Variants in CTNND2 observed in about 807,000 individuals in gnomAD.
The protein encoded by CTNND2 is catenin delta-2.
CTNND2 carries 22 observed loss-of-function variants against 144.4 expected under a neutral mutation model. That is an observed-to-expected ratio of 0.15 (90% CI 0.11 to 0.22). CTNND2 has a LOEUF of 0.22. Among genes scored for constraint, CTNND2 ranks in the 10% least tolerant of loss-of-function variants. The pLI, the probability that CTNND2 is intolerant of heterozygous loss-of-function variation, is 1.00. For synonymous variants in CTNND2, 751 were observed against 695.6 expected (o/e 1.08, Z -1.25); for missense variants, 1,353 against 1,618.8 (o/e 0.84, Z 2.82).
chr5:11,640,439 G>C (rs1210415182), intron 2 of CTNND2, among the ~76,000 whole-genome samples: 3 of 152,098 alleles, frequency 2.0e-5, no homozygotes, highest in African/African-American at 7.2e-5. Context: ...CCACACACTG[G>C]GTACAAATCC....
intron 2 of CTNND2, among the ~76,000 whole-genome samples, chr5:11,625,605 A>G (rs955256972): frequency 6.6e-6 from 1 of 152,158 alleles, no homozygotes; most frequent in Non-Finnish European, 1.5e-5. Flanking sequence ...AAATGGATAT[A>G]CAGTATTGCA....
At chr5:11,154,972 C>G (rs1758082393) in intron 12 of CTNND2, among the ~76,000 whole-genome samples, 1 of 152,158 alleles carries the variant, frequency 6.6e-6, no homozygotes, top group Non-Finnish European at 1.5e-5. Context: ...CCCACTCTTA[C>G]CTAGTATGAC....
intron 3 of CTNND2, among the ~76,000 whole-genome samples, chr5:11,538,768 G>A (rs1359814993): frequency 6.6e-6 from 1 of 152,074 alleles, no homozygotes; most frequent in Non-Finnish European, 1.5e-5. Context: ...AGACTGGATG[G>A]AACACTCAGG....
chr5:11,237,577 C>G lies in CTNND2; in HGVS notation c.1629-754G>C, dbSNP rs61750728. 4.2e-3 allele frequency among the ~76,000 whole-genome samples: 630 copies of G among 151,724 alleles called. 5 individuals carry two copies. The highest frequency in any genetic ancestry group is 0.014 in the African/African-American group (584 of 41,350). On this transcript the variant is annotated intron_variant, in intron 9 of 21. Transcript: ENST00000304623. ...GTGCAGTGGCATAATTATAGCTCAC[C>G]GCAGCCTCAAACTCCTGGGCTCAAG...
intron 3 of CTNND2, among the ~76,000 whole-genome samples, chr5:11,556,844 T>A (rs1309571203): frequency 1.3e-5 from 2 of 151,854 alleles, no homozygotes; most frequent in Non-Finnish European, 2.9e-5. Flanking sequence ...TTACGTTTTA[T>A]CCTTTTAGGT....
At chr5:11,832,021 TG>T (rs1269404646) in intron 1 of CTNND2, among the ~76,000 whole-genome samples, 3 of 152,262 alleles carry the variant, frequency 2.0e-5, no homozygotes, top group African/African-American at 7.2e-5. Context: ...CAGTGGCTTA[TG>T]CCTGTAATCC....
At position 11,504,727 on chromosome 5, in the gene CTNND2, C is replaced by T. The variant is rs569911327; in HGVS notation, c.287+60217G>A. Reference sequence around the variant, plus strand: ...TTTTTCAGATACATTTCATGGGTTTCCTTGAGAGGCTCCACAGGGACCATC... The same window carrying T: ...TTTTTCAGATACATTTCATGGGTTTTCTTGAGAGGCTCCACAGGGACCATC... On this transcript the variant is annotated intron_variant, in intron 3 of 21. Transcript: ENST00000304623. Among the ~76,000 whole-genome samples the T allele has an allele frequency of 1.8e-4, 28 of 152,276 alleles. No individual in the cohort carries two copies. The South Asian group carries it at 1.9e-3, about 10-fold the overall frequency.
chr5:11,316,199 G>T (rs1230628839), intron 9 of CTNND2, among the ~76,000 whole-genome samples: 1 of 151,948 alleles, frequency 6.6e-6, no homozygotes, highest in Non-Finnish European at 1.5e-5. Flanking sequence ...ATTACTAGCC[G>T]CCAGGTATAT....
At chr5:11,197,547 G>A (rs1036790478) in intron 11 of CTNND2, among the ~76,000 whole-genome samples, 14 of 152,150 alleles carry the variant, frequency 9.2e-5, no homozygotes, top group Admixed American at 5.2e-4. Flanking sequence ...TACAGCCTGC[G>A]TTTCACCAGG....
chr5:11,327,155 G>A (rs1161250672), intron 9 of CTNND2, among the ~76,000 whole-genome samples: 1 of 152,216 alleles, frequency 6.6e-6, no homozygotes, highest in African/African-American at 2.4e-5. Context: ...CAGCCGGGAT[G>A]TGGCTACTGC....
chr5:11,143,726 C>T (rs573327414), intron 12 of CTNND2, among the ~76,000 whole-genome samples: 2 of 152,328 alleles, frequency 1.3e-5, no homozygotes, highest in South Asian at 4.1e-4. Context: ...CTCAAAACAG[C>T]CCCTAATAAG....
At chr5:11,794,429 C>T (rs1274709234) in intron 1 of CTNND2, among the ~76,000 whole-genome samples, 2 of 152,186 alleles carry the variant, frequency 1.3e-5, no homozygotes, top group African/African-American at 4.8e-5. Context: ...GCAGATGCTA[C>T]ATGCTGTAAG....
chr5:11,499,254 T>G (rs907237958), intron 3 of CTNND2, among the ~76,000 whole-genome samples: 9 of 152,204 alleles, frequency 5.9e-5, no homozygotes, highest in African/African-American at 2.2e-4. Context: ...AACCTATCTA[T>G]GGATACCAGT....
intron 3 of CTNND2, among the ~76,000 whole-genome samples, chr5:11,512,845 G>A (rs1016980267): frequency 1.3e-5 from 2 of 152,162 alleles, no homozygotes; most frequent in African/African-American, 4.8e-5. Flanking sequence ...CATTACACTG[G>A]CTTTGAGCAA....
intron 6 of CTNND2, among the ~76,000 whole-genome samples, chr5:11,395,959 A>T (rs546879973): frequency 1.3e-5 from 2 of 152,354 alleles, no homozygotes; most frequent in South Asian, 2.1e-4. Context: ...ACATGAAAAA[A>T]GTCCTGACCT....
At chr5:11,210,697 G>A (rs1425465708) in intron 10 of CTNND2, among the ~76,000 whole-genome samples, 3 of 152,196 alleles carry the variant, frequency 2.0e-5, no homozygotes, top group African/African-American at 7.2e-5. Flanking sequence ...AGGTAGATAG[G>A]TAACTTAATT....
intron 16 of CTNND2, among the ~76,000 whole-genome samples, chr5:11,081,181 G>A (rs1224070232): frequency 6.6e-6 from 1 of 151,922 alleles, no homozygotes. Context: ...AAGGTAAGAG[G>A]AATGGGGAGA....
chr5:11,155,613 C>T (rs912205460), intron 12 of CTNND2, among the ~76,000 whole-genome samples: 1 of 152,020 alleles, frequency 6.6e-6, no homozygotes, highest in Non-Finnish European at 1.5e-5. Flanking sequence ...TTCTGATCAC[C>T]CACAGCTCTA....
rs529420125 is a variant in CTNND2, at chr5:11,362,130, T to C, written c.1372+2566A>G. Among the ~76,000 whole-genome samples the C allele has an allele frequency of 3.3e-5, 5 of 152,216 alleles. No homozygotes were observed. In the East Asian group the frequency reaches 9.7e-4, roughly 30 times the overall value. Reference sequence around the variant, plus strand: ...CTTTAGGCCTGCAAACCTCTTAGAGTTCTGTATCAGTGGTCTCCAGGGTAG... The same window carrying C: ...CTTTAGGCCTGCAAACCTCTTAGAGCTCTGTATCAGTGGTCTCCAGGGTAG... On this transcript the variant is annotated intron_variant, in intron 8 of 21. Coordinates refer to ENST00000304623, the MANE Select transcript of CTNND2 (RefSeq NM_001332.4).
Sources: allele counts gnomAD v4.1 joint callset (sites outside exome capture counted in the v4.1 genomes callset), GRCh38; gene constraint gnomAD v4.1.1; transcripts MANE v1.5; gene names NCBI Gene and HGNC (gene_info 2026-07-23, HGNC 2026-07-21).